WDR7: variants seen among roughly 807,000 people sequenced by gnomAD.
WDR7 encodes the protein WD repeat domain 7, also known as WD repeat-containing protein 7.
In WDR7, 46 loss-of-function variants were observed where a neutral mutation model predicts 169.4. The ratio of observed to expected loss-of-function variants is 0.27; its 90% CI spans 0.21 to 0.35. The LOEUF (loss-of-function observed/expected upper bound fraction) is 0.35, where lower values mean the gene tolerates loss of function less well. Ranked by LOEUF, WDR7 falls within the 10% of genes least tolerant of loss-of-function variation. WDR7 has a pLI of 1.00. For synonymous variants in WDR7, 612 were observed against 666.8 expected (o/e 0.92, Z 1.27); for missense variants, 1,534 against 1,859.3 (o/e 0.83, Z 3.22).
At chr18:56,908,128 T>C (rs2145589855) in intron 21 of WDR7, among the ~76,000 whole-genome samples, 1 of 152,302 alleles carries the variant, frequency 6.6e-6, no homozygotes, top group East Asian at 1.9e-4. Context: ...ATTTACTGTC[T>C]TAGAACAGAA....
At chr18:56,676,248 T>C (rs1240580480) in intron 2 of WDR7, among the ~76,000 whole-genome samples, 2 of 152,184 alleles carry the variant, frequency 1.3e-5, no homozygotes, top group Non-Finnish European at 2.9e-5. Flanking sequence ...TTATTTTCAG[T>C]CTATGTGTGT....
At chr18:56,852,871 G>A (rs1434547398) in intron 20 of WDR7, among the ~76,000 whole-genome samples, 3 of 152,110 alleles carry the variant, frequency 2.0e-5, no homozygotes, top group Non-Finnish European at 4.4e-5. Flanking sequence ...ACTTCAGCAT[G>A]TTTTAAAATA....
intron 21 of WDR7, among the ~76,000 whole-genome samples, chr18:56,919,168 T>C (rs1254925237): frequency 6.6e-6 from 1 of 152,198 alleles, no homozygotes. Flanking sequence ...TTGTTGAAAC[T>C]GGCAATATGT....
At chr18:56,994,901 T>C (rs2145869387) in intron 26 of WDR7, among the ~76,000 whole-genome samples, 1 of 152,342 alleles carries the variant, frequency 6.6e-6, no homozygotes, top group South Asian at 2.1e-4. Flanking sequence ...AAATTTCTAG[T>C]AATTTATTAA....
chr18:56,958,387 A>G (rs926385068), intron 25 of WDR7, among the ~76,000 whole-genome samples: 1 of 152,154 alleles, frequency 6.6e-6, no homozygotes, highest in Non-Finnish European at 1.5e-5. Flanking sequence ...CTATTTCAAT[A>G]ATGGCATCAA....
At chr18:56,858,299 A>T (rs1161944555) in intron 20 of WDR7, among the ~76,000 whole-genome samples, 1 of 152,088 alleles carries the variant, frequency 6.6e-6, no homozygotes, top group Non-Finnish European at 1.5e-5. Context: ...TTTAGTAGCT[A>T]CTGCCTCTGT....
intron 19 of WDR7, among the ~76,000 whole-genome samples, chr18:56,785,284 A>G (rs1480107708): frequency 1.3e-5 from 2 of 152,206 alleles, no homozygotes; most frequent in African/African-American, 2.4e-5. Context: ...AATGTTTGAG[A>G]TGATCATTGT....
At chr18:56,826,157 C>T (rs1210590893) in intron 20 of WDR7, among the ~76,000 whole-genome samples, 1 of 152,124 alleles carries the variant, frequency 6.6e-6, no homozygotes, top group South Asian at 2.1e-4. Flanking sequence ...GTAATAATAA[C>T]TCATGGATAA....
At chr18:56,716,698 A>T (rs2026199867) in intron 12 of WDR7, among the ~76,000 whole-genome samples, 2 of 152,316 alleles carry the variant, frequency 1.3e-5, no homozygotes, top group South Asian at 2.1e-4. Context: ...AAGTGTGTTC[A>T]TCTAAAACTA....
At chr18:56,723,741 A>G (rs78387868) in intron 13 of WDR7, among the ~76,000 whole-genome samples, 5,192 of 151,656 alleles carry the variant, frequency 0.034, 298 homozygotes, top group African/African-American at 0.12. Flanking sequence ...TCAAATTTGG[A>G]AAACTTTTGG....
chr18:56,706,325 T>C (rs1272568032), intron 12 of WDR7, among the ~76,000 whole-genome samples: 1 of 152,224 alleles, frequency 6.6e-6, no homozygotes, highest in African/African-American at 2.4e-5. Context: ...GAAGACTTTC[T>C]AAAGGAGTTG....
chr18:56,965,881 T>C (rs2047402110), intron 26 of WDR7, among the ~76,000 whole-genome samples: 1 of 152,118 alleles, frequency 6.6e-6, no homozygotes, highest in African/African-American at 2.4e-5. Flanking sequence ...TTAATGATTA[T>C]ATATATAATT....
chr18:57,017,917 G>A (rs893199955), intron 26 of WDR7, among the ~76,000 whole-genome samples: 1 of 152,146 alleles, frequency 6.6e-6, no homozygotes, highest in Non-Finnish European at 1.5e-5. Context: ...TTAAATACTC[G>A]CCAGAGGAAG....
chr18:57,011,484 C>G (rs548411218), intron 26 of WDR7, among the ~76,000 whole-genome samples: 38 of 152,244 alleles, frequency 2.5e-4, no homozygotes, highest in African/African-American at 8.9e-4. Flanking sequence ...AAAATGATAT[C>G]AAGTCTACTT....
chr18:56,735,304 C>T (rs868620680), intron 14 of WDR7, among the ~76,000 whole-genome samples: 28 of 152,090 alleles, frequency 1.8e-4, no homozygotes, highest in Admixed American at 6.6e-4. Context: ...AACCAAAACC[C>T]GGCTGAGGGG....
At chr18:56,897,305 A>G (rs1459375563) in intron 21 of WDR7, among the ~76,000 whole-genome samples, 1 of 151,970 alleles carries the variant, frequency 6.6e-6, no homozygotes, top group Non-Finnish European at 1.5e-5. Flanking sequence ...CATGTAACCC[A>G]GGAAACATGT....
In WDR7 at chr18:56,731,611, G is replaced by T; in HGVS notation, c.1989+14G>T. The T allele has an allele frequency of 1.2e-6, 2 of 1,611,794 alleles. No homozygotes were observed. The highest frequency in any genetic ancestry group is 2.7e-5 in the African/African-American group (2 of 74,984). The stretch of plus-strand genomic sequence containing the variant: ...GCATCTGACAAGGTAAGTTTTATAT[G>T]TGGGCCCATGAAGTGTGTAGACCCC... On this transcript the variant is annotated intron_variant, in intron 14 of 27. Coordinates refer to ENST00000254442, the MANE Select transcript of WDR7 (RefSeq NM_015285.3).
intron 26 of WDR7, among the ~76,000 whole-genome samples, chr18:56,989,714 A>G (rs2047782774): frequency 6.6e-6 from 1 of 152,144 alleles, no homozygotes; most frequent in Admixed American, 6.5e-5. Flanking sequence ...CTGTAATTTT[A>G]TTTGTCTCAA....
intron 16 of WDR7, among the ~76,000 whole-genome samples, chr18:56,761,804 G>C (rs968761798): frequency 2.0e-5 from 3 of 151,882 alleles, no homozygotes; most frequent in Admixed American, 2.0e-4. Context: ...CTGTGCCCCA[G>C]TATAGAAATG....
Sources: gnomAD v4.1 joint callset for allele counts (sites outside exome capture counted in the v4.1 genomes callset) on GRCh38, gnomAD v4.1.1 for gene constraint, MANE v1.5 for transcripts, NCBI Gene and HGNC (gene_info 2026-07-23, HGNC 2026-07-21) for gene names.